WHRN: variants seen among roughly 807,000 people sequenced by gnomAD.
The protein encoded by WHRN is CASK-interacting protein CIP98.
Under a neutral mutation model 68.3 loss-of-function variants are expected in WHRN, and 41 were observed. That is an observed-to-expected ratio of 0.60 (90% CI 0.47 to 0.78). The LOEUF (loss-of-function observed/expected upper bound fraction) is 0.78. WHRN is among the 30% of genes least tolerant of loss of function. The pLI is 0.00. For missense variants in WHRN, 1,243 were observed against 1,244.7 expected (o/e 1.00, Z 0.02); for synonymous variants, 560 against 561.3 (o/e 1.00, Z 0.03).
chr9:114,462,237 G>A (rs1241946751), intron 3 of WHRN, among the ~76,000 whole-genome samples: 2 of 152,098 alleles, frequency 1.3e-5, no homozygotes, highest in African/African-American at 4.8e-5. Context: ...CACAGAGCAG[G>A]GTGTTCTGGA....
chr9:114,410,408 T>A (rs1290964878), intron 7 of WHRN, among the ~76,000 whole-genome samples: 1 of 152,196 alleles, frequency 6.6e-6, no homozygotes. Context: ...AATGAATGAA[T>A]CAATCACTCT....
intron 3 of WHRN, among the ~76,000 whole-genome samples, chr9:114,433,884 T>C (rs1288214222): frequency 6.6e-6 from 1 of 152,164 alleles, no homozygotes; most frequent in Non-Finnish European, 1.5e-5. Flanking sequence ...GGTCTATGCT[T>C]CCTTCCGGTT....
chr9:114,423,026 CT>C lies in WHRN; in HGVS notation c.1626+287del, dbSNP rs370330247. Among the ~76,000 whole-genome samples the C allele has an allele frequency of 0.064, 9,491 of 147,528 alleles. 315 individuals are homozygous for C. Among genetic ancestry groups the C allele is most frequent in the African/African-American group, 0.096 (3,894 of 40,482 alleles). On this transcript the variant is annotated intron_variant, in intron 7 of 11. Transcript: ENST00000362057. ...TTTTTCTATTTGCCTAATTTACCTA[CT>C]TTTTTTTTTTAACCTTTCTCCCCCA...
intron 1 of WHRN, among the ~76,000 whole-genome samples, chr9:114,489,463 TAC>T (rs59922135): frequency 0.51 from 76,786 of 149,680 alleles, 19,855 homozygotes; most frequent in African/African-American, 0.6. Context: ...CACACACACA[TAC>T]ACACACACAC....
At chr9:114,429,777 C>G (rs971370837) in intron 3 of WHRN, among the ~76,000 whole-genome samples, 4 of 152,212 alleles carry the variant, frequency 2.6e-5, no homozygotes, top group African/African-American at 9.6e-5. Flanking sequence ...TCTCTCCCAG[C>G]TGGCTTTCGC....
At chr9:114,481,226 T>C (rs1330412410) in intron 1 of WHRN, among the ~76,000 whole-genome samples, 1 of 152,184 alleles carries the variant, frequency 6.6e-6, no homozygotes, top group African/African-American at 2.4e-5. Context: ...TTTGAGCCTC[T>C]CTCAGCAGAG....
chr9:114,457,247 G>A (rs995262372), intron 3 of WHRN, among the ~76,000 whole-genome samples: 1 of 152,152 alleles, frequency 6.6e-6, no homozygotes, highest in Non-Finnish European at 1.5e-5. Context: ...AGGGGTGGTG[G>A]ATTCCAGGTC....
At chr9:114,430,649 T>G (rs1837336377) in intron 3 of WHRN, among the ~76,000 whole-genome samples, 1 of 152,234 alleles carries the variant, frequency 6.6e-6, no homozygotes, top group Non-Finnish European at 1.5e-5. Flanking sequence ...CCAGGTTGGC[T>G]GTGCGAGTCA....
intron 2 of WHRN, among the ~76,000 whole-genome samples, chr9:114,476,293 A>T (rs1337042634): frequency 6.6e-6 from 1 of 151,200 alleles, no homozygotes. Flanking sequence ...AGTTATTGAG[A>T]CTCCCAGAGG....
In WHRN at chr9:114,406,591, G is replaced by A. The variant is rs765997191; in HGVS notation, c.2000C>T (p.Ala667Val). 6.2e-7 allele frequency: 1 copy of A among 1,610,742 alleles called. No individual in the cohort carries two copies. The highest frequency in any genetic ancestry group is 1.7e-5 in the Admixed American group (1 of 59,944). ...ANPSSKRPLD[A>V]HLALVNQHPI... is the part of the protein sequence containing the mutation. ...GTGTTGGTTGACCAGGGCCAGATGG[G>A]CGTCCAGCGGCCTCTTGGAGCTGGG... The change falls in exon 9 of 12, where the codon GCC (alanine) becomes GTC (valine). Residue 667 changes from alanine to valine, a missense_variant. Ala to Val is a moderately conservative substitution (Grantham distance 64, BLOSUM62 0). Transcript: ENST00000362057.
chr9:114,479,368 C>T (rs1036504415), intron 1 of WHRN, among the ~76,000 whole-genome samples: 2 of 152,138 alleles, frequency 1.3e-5, no homozygotes, highest in African/African-American at 2.4e-5. Flanking sequence ...GGAGGGGACC[C>T]GTGGAAGCCT....
In WHRN at chr9:114,406,709, T is replaced by G. The variant is rs1474579447; in HGVS notation, c.1882A>C (p.Ser628Arg). 1 of 1,613,942 alleles carries G rather than the reference T, an allele frequency of 6.2e-7. No individual in the cohort carries two copies. Among genetic ancestry groups the G allele is most frequent in the African/African-American group, 1.3e-5 (1 of 74,926 alleles). ...GTGGGTGCGGTGCCCGCTGGCGGGC[T>G]GCGGTTCTGTGGAGCCGAGAAGACA... Reference protein sequence around the residue: ...GTVFSAPQNRSPPAGTAPTPG... With the variant: ...GTVFSAPQNRRPPAGTAPTPG... Residue 628 changes from serine (S) to arginine (R), a missense_variant, in exon 9 of 12, where the codon AGC becomes CGC. Coordinates refer to ENST00000362057, the MANE Select transcript of WHRN (RefSeq NM_015404.4).
Position 114,504,258 on chromosome 9 carries a change from G to C in WHRN, c.544C>G (p.Leu182Val), listed in dbSNP as rs770875795. The part of the protein sequence containing the change: ...EPGSLAEKEG[L>V]RVGDQILRVN... ...CGCAGAATCTGGTCCCCGACCCGCA[G>C]TCCTTCCTTCTCAGCTAGAGAGCCT... The change falls in exon 1 of 12, where the codon CTG becomes GTG. Residue 182 changes from leucine to valine, a missense_variant. Transcript: ENST00000362057. 2 of 1,614,154 alleles carry C rather than the reference G, an allele frequency of 1.2e-6. No individual in the cohort carries two copies. The highest frequency in any genetic ancestry group is 4.5e-5 in the East Asian group (2 of 44,886).
chr9:114,466,224 A>G, intron 3 of WHRN, 43 bp downstream of exon 3: 1 of 1,612,520 alleles, frequency 6.2e-7, no homozygotes. Context: ...AGCAGCAAAG[A>G]GCTCCATGCA....
At chr9:114,409,626 C>T (rs961361478) in intron 7 of WHRN, among the ~76,000 whole-genome samples, 1 of 151,770 alleles carries the variant, frequency 6.6e-6, no homozygotes, top group African/African-American at 2.4e-5. Context: ...ATCCCCTTTG[C>T]TCACATCCTC....
At chr9:114,455,679 A>C (rs1006067501) in intron 3 of WHRN, among the ~76,000 whole-genome samples, 3 of 149,996 alleles carry the variant, frequency 2.0e-5, no homozygotes, top group Admixed American at 6.7e-5. Flanking sequence ...ATGCCACTGC[A>C]TTCCAGCTGG....
intron 1 of WHRN, among the ~76,000 whole-genome samples, chr9:114,496,461 A>ATTC (rs1843467214): frequency 1.3e-5 from 2 of 152,206 alleles, no homozygotes. Context: ...CTGCAATTCA[A>ATTC]ACAGCTACAG....
intron 1 of WHRN, among the ~76,000 whole-genome samples, chr9:114,498,080 G>A (rs956502066): frequency 1.3e-5 from 2 of 152,098 alleles, no homozygotes; most frequent in African/African-American, 4.8e-5. Flanking sequence ...TCAGGAGCTG[G>A]GGAATTCTGA....
intron 3 of WHRN, among the ~76,000 whole-genome samples, chr9:114,428,679 T>TCCAGC (rs1478342200): frequency 1.3e-5 from 2 of 152,148 alleles, no homozygotes; most frequent in African/African-American, 4.8e-5. Context: ...TCGCTTCAAA[T>TCCAGC]CCAGCGTGTC....
Sources: gnomAD v4.1 joint callset for allele counts (sites outside exome capture counted in the v4.1 genomes callset) on GRCh38, gnomAD v4.1.1 for gene constraint, MANE v1.5 for transcripts, NCBI Gene and HGNC (gene_info 2026-07-23, HGNC 2026-07-21) for gene names.